SEPTIN9: variants seen among roughly 807,000 people sequenced by gnomAD.
SEPTIN9 encodes septin-9.
SEPTIN9 carries 13 observed loss-of-function variants against 56.6 expected under a neutral mutation model. The ratio of observed to expected loss-of-function variants is 0.23; its 90% CI spans 0.15 to 0.37. The LOEUF is 0.37. Among genes scored for constraint, SEPTIN9 ranks in the 10% least tolerant of loss-of-function variants. The pLI is 1.00. For missense variants in SEPTIN9, 650 were observed against 823.1 expected, an observed-to-expected ratio of 0.79 and a Z score of 2.57; for synonymous variants, 332 against 334.1, an observed-to-expected ratio of 0.99 and a Z score of 0.07.
rs748993145 is a variant in SEPTIN9 at position 77,475,602 on chromosome 17, G to A, written c.722-6542G>A. On this transcript the variant is annotated intron_variant, in intron 3 of 11. Transcript: ENST00000427177. The surrounding 1 kb of genome is among the most constrained non-coding windows in gnomAD (Gnocchi z 4.6). Reference sequence around the variant, plus strand: ...GGCCCCAGGGTCTGGATTCAGGGGAGCCTGCAGAGGGAGGGCAGCTGGAGG... The same window carrying A: ...GGCCCCAGGGTCTGGATTCAGGGGAACCTGCAGAGGGAGGGCAGCTGGAGG... 1.9e-6 allele frequency: 3 copies of A among 1,613,554 alleles called. No individual in the cohort carries two copies. The highest frequency in any genetic ancestry group is 1.3e-5 in the African/African-American group (1 of 74,938).
chr17:77,365,378 C>T (rs2034542388), intron 2 of SEPTIN9, among the ~76,000 whole-genome samples: 1 of 152,016 alleles, frequency 6.6e-6, no homozygotes, highest in Admixed American at 6.6e-5. Flanking sequence ...TTCTTTCCTT[C>T]CTGTCTTATT....
At chr17:77,307,102 TG>T (rs1487849785) in intron 1 of SEPTIN9, 38 bp from the exon 2 acceptor site, 1 of 1,597,054 alleles carries the variant, frequency 6.3e-7, no homozygotes, top group African/African-American at 1.3e-5. Context: ...AGAGCGCCAG[TG>T]GCCTTGTGTG....
At chr17:77,493,597 CAG>C (rs967732728) in intron 10 of SEPTIN9, among the ~76,000 whole-genome samples, 48 of 152,210 alleles carry the variant, frequency 3.2e-4, no homozygotes, top group South Asian at 6.2e-4. Context: ...GGTCCGAAAT[CAG>C]GGGCTGTTTC....
In SEPTIN9 at chr17:77,500,215, C is replaced by T. The variant is rs937879256; in HGVS notation, c.*1557C>T. 8 of 232,292 alleles carry T rather than the reference C, an allele frequency of 3.4e-5. No individual in the cohort carries two copies. The highest frequency in any genetic ancestry group is 6.0e-5 in the Non-Finnish European group (7 of 117,296). The allele number at this position is 232,292 out of a possible 1,614,324, so 14.4% of individuals were successfully genotyped here. A position where few individuals can be genotyped will look rare whatever the true frequency, so the allele number is the denominator to read the frequency against. ...AAGTTGGGGCACTGGGCGTCTGACT[C>T]CCTCCCCACCCAAGAGAGGAAGGAC... On this transcript the variant is annotated 3_prime_UTR_variant, in exon 12 of 12. Transcript: ENST00000427177.
Position 77,445,112 on chromosome 17 carries a change from G to C in SEPTIN9, c.722-37032G>C, listed in dbSNP as rs1207398158. 2.2e-6 allele frequency: 1 copy of C among 459,192 alleles called. No homozygotes were observed. Among genetic ancestry groups the C allele is most frequent in the East Asian group, 7.1e-5 (1 of 14,140 alleles). 28.4% of individuals were successfully genotyped at this position (459,192 alleles called of 1,614,324 possible). A position where few individuals can be genotyped will look rare whatever the true frequency, so the allele number is the denominator to read the frequency against. ...GCCTGCCTGGGGACGGCCTTCACTCGGGCTACTCAGGGTTTCCCCAGCCTG... is the reference window on the plus strand; with the variant it reads ...GCCTGCCTGGGGACGGCCTTCACTCCGGCTACTCAGGGTTTCCCCAGCCTG... On this transcript the variant is annotated intron_variant, in intron 3 of 11. Coordinates refer to ENST00000427177, the MANE Select transcript of SEPTIN9 (RefSeq NM_001113491.2). This position sits in a 1 kb window ranked among gnomAD's most constrained non-coding sequence, Gnocchi z 4.7.
chr17:77,304,385 C>G (rs2032179755), intron 1 of SEPTIN9, among the ~76,000 whole-genome samples: 1 of 152,230 alleles, frequency 6.6e-6, no homozygotes. Context: ...CCCAAGAAAT[C>G]TGAGACAGAT....
At chr17:77,495,923 G>T (rs993900331) in intron 10 of SEPTIN9, among the ~76,000 whole-genome samples, 8 of 152,260 alleles carry the variant, frequency 5.3e-5, no homozygotes, top group African/African-American at 1.9e-4. Flanking sequence ...CCTGGAGCCA[G>T]GTGTATGGGT....
At chr17:77,411,034 G>A (rs2036277084) in intron 3 of SEPTIN9, among the ~76,000 whole-genome samples, 1 of 151,416 alleles carries the variant, frequency 6.6e-6, no homozygotes, top group African/African-American at 2.4e-5. Flanking sequence ...GCAGTGAGCT[G>A]AGATTGTGCC....
rs993503992 is a variant in SEPTIN9 at position 77,318,663 on chromosome 17, G to T, written c.76+11466G>T. On this transcript the variant is annotated intron_variant, in intron 2 of 11. Coordinates refer to ENST00000427177, the MANE Select transcript of SEPTIN9 (RefSeq NM_001113491.2). This position sits in a 1 kb window ranked among gnomAD's most constrained non-coding sequence, Gnocchi z 4.9. ...GTTGCTTGATGTCTCCCAGAAGGCT[G>T]GGAATGGTCCTCCCCACCCCCCAGG... Among the ~76,000 whole-genome samples, 2 of 152,106 alleles carry T rather than the reference G, an allele frequency of 1.3e-5. No homozygotes were observed. Among genetic ancestry groups the T allele is most frequent in the Non-Finnish European group, 2.9e-5 (2 of 68,002 alleles).
Position 77,297,582 on chromosome 17 carries a change from A to G in SEPTIN9, c.20-9559A>G, listed in dbSNP as rs550475394. Among the ~76,000 whole-genome samples, 6 of 152,342 alleles carry G rather than the reference A, an allele frequency of 3.9e-5. No individual in the cohort carries two copies. The East Asian group carries it at 1.2e-3, about 29-fold the overall frequency. On this transcript the variant is annotated intron_variant, in intron 1 of 11. Coordinates refer to ENST00000427177, the MANE Select transcript of SEPTIN9 (RefSeq NM_001113491.2). ...TGGTGATGGTCTCCATCCCGTCTAA[A>G]GAAGTTGAAGATGAACTGTTGGCAC... is the stretch of plus-strand genomic sequence containing the variant.
intron 3 of SEPTIN9, among the ~76,000 whole-genome samples, chr17:77,411,025 C>T (rs1257139677): frequency 1.3e-5 from 2 of 150,770 alleles, no homozygotes; most frequent in East Asian, 3.9e-4. Flanking sequence ...GCGGAGGTTG[C>T]AGTGAGCTGA....
chr17:77,300,886 C>T lies in SEPTIN9; in HGVS notation c.20-6255C>T, dbSNP rs1243358764. Among the ~76,000 whole-genome samples, 41 of 121,426 alleles carry T rather than the reference C, an allele frequency of 3.4e-4. No individual in the cohort carries two copies. The East Asian group carries it at 6.2e-3, about 18-fold the overall frequency. The allele number at this position is 121,426 out of a possible 152,430, so 79.7% of individuals were successfully genotyped here. A position where few individuals can be genotyped will look rare whatever the true frequency, so the allele number is the denominator to read the frequency against. Reference sequence around the variant, plus strand: ...CCCCCATCCCAGCTCAAACCGCCCCCATCCCAGCTCAAACCACCCCCAACA... The same window carrying T: ...CCCCCATCCCAGCTCAAACCGCCCCTATCCCAGCTCAAACCACCCCCAACA... On this transcript the variant is annotated intron_variant, in intron 1 of 11. Coordinates refer to ENST00000427177, the MANE Select transcript of SEPTIN9 (RefSeq NM_001113491.2).
chr17:77,357,006 A>G (rs2034275433), intron 2 of SEPTIN9, among the ~76,000 whole-genome samples: 1 of 151,868 alleles, frequency 6.6e-6, no homozygotes, highest in Non-Finnish European at 1.5e-5. Context: ...GCTGTCGGCC[A>G]GACGTCCAGA....
chr17:77,442,031 A>C lies in SEPTIN9; in HGVS notation c.721+39328A>C, dbSNP rs1464750261. ...CACTCAAGATAAATTAATGAGAGAA[A>C]AGACAGATTTAATCACATACGTATG... On this transcript the variant is annotated intron_variant, in intron 3 of 11. Coordinates refer to ENST00000427177, the MANE Select transcript of SEPTIN9 (RefSeq NM_001113491.2). 4 of 152,332 alleles carry C rather than the reference A, an allele frequency of 2.6e-5. No homozygotes were observed. In the East Asian group the frequency reaches 7.7e-4, roughly 29 times the overall value. 9.4% of individuals were successfully genotyped at this position (152,332 alleles called of 1,614,324 possible). A position where few individuals can be genotyped will look rare whatever the true frequency, so the allele number is the denominator to read the frequency against.
chr17:77,308,279 G>A (rs952546576), intron 2 of SEPTIN9, among the ~76,000 whole-genome samples: 3 of 152,204 alleles, frequency 2.0e-5, no homozygotes, highest in African/African-American at 7.2e-5. Context: ...CAAAGGACAC[G>A]GACCCGGAGT....
At chr17:77,464,601 ATT>A (rs1022730489) in intron 3 of SEPTIN9, among the ~76,000 whole-genome samples, 12 of 139,862 alleles carry the variant, frequency 8.6e-5, no homozygotes, top group Admixed American at 1.4e-4. Flanking sequence ...TGACACAGAA[ATT>A]TTTTTTTTTT....
intron 1 of SEPTIN9, among the ~76,000 whole-genome samples, chr17:77,306,524 C>T (rs369376451): frequency 1.9e-4 from 29 of 152,362 alleles, no homozygotes; most frequent in African/African-American, 6.3e-4. Context: ...AGAGGGAGCG[C>T]ATGCCGCGGG....
chr17:77,414,910 C>T (rs1361467367), intron 3 of SEPTIN9, among the ~76,000 whole-genome samples: 1 of 152,040 alleles, frequency 6.6e-6, no homozygotes, highest in Non-Finnish European at 1.5e-5. Flanking sequence ...GAGAATTGCA[C>T]GTTTGGCCTT....
chr17:77,359,531 A>G (rs1332792048), intron 2 of SEPTIN9, among the ~76,000 whole-genome samples: 1 of 152,184 alleles, frequency 6.6e-6, no homozygotes, highest in African/African-American at 2.4e-5. Context: ...ACTGGCTAAC[A>G]TCTATAATCC....
Sources: allele counts gnomAD v4.1 joint callset (sites outside exome capture counted in the v4.1 genomes callset), GRCh38; gene constraint gnomAD v4.1.1; non-coding constraint Gnocchi (gnomAD v3.1); transcripts MANE v1.5; gene names NCBI Gene and HGNC (gene_info 2026-07-23, HGNC 2026-07-21).